DNM2: variants seen among roughly 807,000 people sequenced by gnomAD.
DNM2 encodes dynamin 2.
DNM2 carries 15 observed loss-of-function variants against 99.0 expected under a neutral mutation model. The ratio of observed to expected loss-of-function variants is 0.15; its 90% confidence interval spans 0.10 to 0.23. The LOEUF (loss-of-function observed/expected upper bound fraction) is 0.23, where lower values mean the gene tolerates loss of function less well. Among genes scored for constraint, DNM2 ranks in the 10% least tolerant of loss-of-function variants. DNM2 has a pLI of 1.00. For synonymous variants in DNM2, 525 were observed against 481.2 expected, an observed-to-expected ratio of 1.09 and a Z score of -1.19; for missense variants, 742 against 1,189.4, an observed-to-expected ratio of 0.62 and a Z score of 5.53.
At chr19:10,802,688 C>A in intron 12 of DNM2, 1 of 406,396 alleles carries the variant, frequency 2.5e-6, no homozygotes, top group East Asian at 5.4e-5. Context: ...CTTTAGCGAC[C>A]AGTGTGCAGC....
chr19:10,826,384 C>G (rs2073144509), intron 18 of DNM2, among the ~76,000 whole-genome samples: 1 of 152,202 alleles, frequency 6.6e-6, no homozygotes, highest in Non-Finnish European at 1.5e-5. Context: ...GTTGGGCAGC[C>G]GCTGTGTCCT....
intron 1 of DNM2, among the ~76,000 whole-genome samples, chr19:10,750,411 C>T (rs1307410238): frequency 6.6e-6 from 1 of 151,732 alleles, no homozygotes; most frequent in Non-Finnish European, 1.5e-5. Context: ...TCCGGGAGTT[C>T]AAGGCTGCAG....
intron 2 of DNM2, chr19:10,768,690 C>T (rs2070878760): frequency 6.6e-6 from 1 of 152,174 alleles, no homozygotes. Context: ...GCCTGAGGTT[C>T]CGGGGGAACC....
At chr19:10,779,275 G>A (rs1339248337) in intron 5 of DNM2, among the ~76,000 whole-genome samples, 4 of 151,408 alleles carry the variant, frequency 2.6e-5, no homozygotes, top group Non-Finnish European at 4.4e-5. Flanking sequence ...GCAGTTTTAG[G>A]TTCATAGCCA....
chr19:10,789,586 A>G (rs1180340526), intron 7 of DNM2, among the ~76,000 whole-genome samples: 2 of 152,116 alleles, frequency 1.3e-5, no homozygotes, highest in Non-Finnish European at 2.9e-5. Flanking sequence ...TATTCCCAGC[A>G]CTTTGAGAGG....
rs559307521 is a variant in DNM2 at position 10,824,427 on chromosome 19, G to A, written c.1893+528G>A. On this transcript the variant is annotated intron_variant, in intron 17 of 20. Transcript: ENST00000389253. ...TTAGGCAGGAGATCGCTTAAACCCG[G>A]GAGGTAGAGGTTGCAGTGAGCTGAG... 7 of 200,034 alleles carry A rather than the reference G, an allele frequency of 3.5e-5. No individual in the cohort carries two copies. In the East Asian group the frequency reaches 3.8e-4, roughly 11 times the overall value. The allele number at this position is 200,034 out of a possible 1,614,324, so 12.4% of individuals were successfully genotyped here.
chr19:10,798,167 A>G (rs779581854), intron 10 of DNM2, among the ~76,000 whole-genome samples: 1 of 152,158 alleles, frequency 6.6e-6, no homozygotes, highest in Non-Finnish European at 1.5e-5. Flanking sequence ...AGTGCTGGGC[A>G]AGAGGGGGGT....
chr19:10,760,193 C>T (rs1164614838), intron 2 of DNM2, among the ~76,000 whole-genome samples: 2 of 149,482 alleles, frequency 1.3e-5, no homozygotes, highest in Non-Finnish European at 3.0e-5. Context: ...CCCTCCATGG[C>T]CAGCTTTTTT....
chr19:10,765,119 G>A lies in DNM2; in HGVS notation c.235+5308G>A, dbSNP rs1599506537. 2.0e-5 allele frequency among the ~76,000 whole-genome samples: 3 copies of A among 152,144 alleles called. No homozygotes were observed. The highest frequency in any genetic ancestry group is 4.8e-5 in the African/African-American group (2 of 41,518). ...ACTACAGGCGCCCGCCACCTCGCCC[G>A]GCTAATTTTTTTGTATGCTTAGTAG... is the stretch of plus-strand genomic sequence containing the variant. On this transcript the variant is annotated intron_variant, in intron 2 of 20. Coordinates refer to ENST00000389253, the MANE Select transcript of DNM2 (RefSeq NM_001005361.3). The surrounding 1 kb of genome is among the most constrained non-coding windows in gnomAD (Gnocchi z 4.4).
At chr19:10,827,352 G>GTT (rs896045924) in intron 18 of DNM2, among the ~76,000 whole-genome samples, 1 of 152,082 alleles carries the variant, frequency 6.6e-6, no homozygotes, top group African/African-American at 2.4e-5. Flanking sequence ...TTTCCATGAT[G>GTT]TTTTATAGCA....
intron 1 of DNM2, among the ~76,000 whole-genome samples, chr19:10,757,393 A>T (rs1159693648): frequency 1.3e-5 from 2 of 152,286 alleles, no homozygotes; most frequent in South Asian, 2.1e-4. Flanking sequence ...CCACTGGGTA[A>T]TACATTCCCA....
chr19:10,830,926 C>A lies in DNM2; in HGVS notation c.2544-52C>A. On this transcript the variant is annotated intron_variant, in intron 20 of 20. Transcript: ENST00000389253. This position sits in a 1 kb window ranked among gnomAD's most constrained non-coding sequence, Gnocchi z 4.8. ...CCTCAACCCAGGCCTGCCTCTTGCTCCCGGCCTCACTGCCGTCTCCCCCTC... is the reference window on the plus strand; with the variant it reads ...CCTCAACCCAGGCCTGCCTCTTGCTACCGGCCTCACTGCCGTCTCCCCCTC... The A allele has an allele frequency of 6.4e-7, 1 of 1,573,640 alleles. No individual in the cohort carries two copies.
At chr19:10,802,403 A>G (rs751529480) in intron 12 of DNM2, 45 bp downstream of exon 12, 12 of 1,595,564 alleles carry the variant, frequency 7.5e-6, no homozygotes, top group Middle Eastern at 3.3e-4. Flanking sequence ...ACCAATCCTC[A>G]CTCTCAGATC....
chr19:10,787,645 C>A (rs1280079904), intron 7 of DNM2, among the ~76,000 whole-genome samples: 1 of 150,526 alleles, frequency 6.6e-6, no homozygotes, highest in African/African-American at 2.5e-5. Flanking sequence ...GTCCCAGCTA[C>A]ACAGGAGGCT....
Position 10,765,205 on chromosome 19 carries a change from A to C in DNM2, c.235+5394A>C, listed in dbSNP as rs1215395327. 6.6e-6 allele frequency among the ~76,000 whole-genome samples: 1 copy of C among 151,496 alleles called. No individual in the cohort carries two copies. Among genetic ancestry groups the C allele is most frequent in the African/African-American group, 2.4e-5 (1 of 41,262 alleles). ...GATCTCCTGACCTCGTGATCCGCCC[A>C]CCTCGGCCTCCCAAAGTGCTGGGAT... On this transcript the variant is annotated intron_variant, in intron 2 of 20. Transcript: ENST00000389253. This position sits in a 1 kb window ranked among gnomAD's most constrained non-coding sequence, Gnocchi z 4.4.
At chr19:10,738,535 C>G (rs1599448624) in intron 1 of DNM2, among the ~76,000 whole-genome samples, 1 of 151,514 alleles carries the variant, frequency 6.6e-6, no homozygotes, top group Non-Finnish European at 1.5e-5. Context: ...GGAGGCCAGG[C>G]CCTTCCTGGG....
At chr19:10,737,124 G>A (rs2069558036) in intron 1 of DNM2, among the ~76,000 whole-genome samples, 1 of 152,086 alleles carries the variant, frequency 6.6e-6, no homozygotes, top group African/African-American at 2.4e-5. Flanking sequence ...CTCCAGCCGG[G>A]GAGACAGAGG....
rs1333337350 is a variant in DNM2 at position 10,831,109 on chromosome 19, G to A, written c.*62G>A. ...CACCCGCGGCGCAGGAGCTTCAGTG[G>A]TCTGGGGCCCTCCGCCGCCCCTATG... On this transcript the variant is annotated 3_prime_UTR_variant, in exon 21 of 21. Transcript: ENST00000389253. The surrounding 1 kb of genome is among the most constrained non-coding windows in gnomAD (Gnocchi z 4.3). The A allele has an allele frequency of 9.1e-6, 14 of 1,531,904 alleles. No individual in the cohort carries two copies. In the Admixed American group the frequency reaches 1.6e-4, roughly 18 times the overall value. 94.9% of individuals were successfully genotyped at this position (1,531,904 alleles called of 1,614,324 possible). A position where few individuals can be genotyped will look rare whatever the true frequency, so the allele number is the denominator to read the frequency against.
intron 1 of DNM2, among the ~76,000 whole-genome samples, chr19:10,756,827 C>T (rs1019661437): frequency 5.3e-5 from 8 of 152,086 alleles, no homozygotes; most frequent in Admixed American, 2.0e-4. Flanking sequence ...AATCTGCCTA[C>T]GGCCTGTCCA....
Sources: allele counts gnomAD v4.1 joint callset (sites outside exome capture counted in the v4.1 genomes callset), GRCh38; gene constraint gnomAD v4.1.1; non-coding constraint Gnocchi (gnomAD v3.1); transcripts MANE v1.5; gene names NCBI Gene and HGNC (gene_info 2026-07-23, HGNC 2026-07-21).